SPTBN1: variants seen among roughly 807,000 people sequenced by gnomAD.
SPTBN1 encodes spectrin beta, non-erythrocytic 1, also known as spectrin beta chain, non-erythrocytic 1.
In SPTBN1, 32 loss-of-function variants were observed where a neutral mutation model predicts 266.4. That is an observed-to-expected ratio of 0.12 (90% CI 0.09 to 0.16). The LOEUF (loss-of-function observed/expected upper bound fraction) is 0.16, where lower values mean the gene tolerates loss of function less well. Ranked by LOEUF, SPTBN1 falls within the 10% of genes least tolerant of loss-of-function variation. SPTBN1 has a pLI of 1.00. For missense variants in SPTBN1, 2,296 were observed against 3,067.1 expected (o/e 0.75, Z 5.94); for synonymous variants, 1,336 against 1,162.2 (o/e 1.15, Z -3.04).
At chr2:54,625,135 A>G (rs1678242244) in intron 11 of SPTBN1, among the ~76,000 whole-genome samples, 173 bp downstream of exon 11, 3 of 152,170 alleles carry the variant, frequency 2.0e-5, no homozygotes, top group Non-Finnish European at 2.9e-5. Context: ...TTTCTAATAT[A>G]CATTTCTATT....
At chr2:54,657,408 A>T (rs1411448672) in intron 29 of SPTBN1, among the ~76,000 whole-genome samples, 1 of 152,234 alleles carries the variant, frequency 6.6e-6, no homozygotes, top group Non-Finnish European at 1.5e-5. Flanking sequence ...TTCACTGTAG[A>T]CCTGCGCTGA....
At chr2:54,535,221 T>TCA (rs1242821976) in intron 2 of SPTBN1, 2 of 152,280 alleles carry the variant, frequency 1.3e-5, no homozygotes, top group African/African-American at 4.8e-5. Flanking sequence ...ACATGTTCTC[T>TCA]CACACACACA....
chr2:54,563,631 T>A (rs1673475502), intron 2 of SPTBN1, among the ~76,000 whole-genome samples: 1 of 117,808 alleles, frequency 8.5e-6, no homozygotes, highest in Non-Finnish European at 1.7e-5. Flanking sequence ...TGAGACGGGG[T>A]CTCACCCTGT....
In SPTBN1 at chr2:54,653,482, A is replaced by G. The variant is rs1680441354; in HGVS notation, c.5578-127A>G. ...TCCCCAGTGAAATTGAGGGCTCCTT[A>G]AGGGGCATGGGCCATATTTTGACTC... On this transcript the variant is annotated intron_variant, in intron 26 of 35. Coordinates refer to ENST00000356805, the MANE Select transcript of SPTBN1 (RefSeq NM_003128.3). This position sits in a 1 kb window ranked among gnomAD's most constrained non-coding sequence, Gnocchi z 5.1. The G allele has an allele frequency of 6.9e-7, 1 of 1,453,040 alleles. No individual in the cohort carries two copies. The highest frequency in any genetic ancestry group is 9.1e-7 in the Non-Finnish European group (1 of 1,097,314). The allele number at this position is 1,453,040 out of a possible 1,614,324, so 90.0% of individuals were successfully genotyped here.
chr2:54,519,940 C>T (rs1010175421), intron 1 of SPTBN1, among the ~76,000 whole-genome samples: 8 of 151,964 alleles, frequency 5.3e-5, no homozygotes, highest in Admixed American at 3.9e-4. Flanking sequence ...TGCCATTCAG[C>T]GAGGGAGTGG....
intron 11 of SPTBN1, 60 bp from the exon 12 acceptor site, chr2:54,625,872 T>G: frequency 1.8e-4 from 283 of 1,535,766 alleles, no homozygotes; most frequent in Non-Finnish European, 2.3e-4. Context: ...ATTACAAGCA[T>G]GAGCTACTGT....
At chr2:54,491,864 G>A (rs1298825194) in intron 1 of SPTBN1, among the ~76,000 whole-genome samples, 1 of 152,112 alleles carries the variant, frequency 6.6e-6, no homozygotes, top group African/African-American at 2.4e-5. Flanking sequence ...CTCCCAAAGT[G>A]CTGGGATTAC....
rs1680437484 is a variant in SPTBN1, at chr2:54,653,441, T to G, written c.5578-168T>G. 4 of 1,076,650 alleles carry G rather than the reference T, an allele frequency of 3.7e-6. No homozygotes were observed. The Admixed American group carries it at 1.1e-4, about 29-fold the overall frequency. The allele number at this position is 1,076,650 out of a possible 1,614,324, so 66.7% of individuals were successfully genotyped here. A position where few individuals can be genotyped will look rare whatever the true frequency, so the allele number is the denominator to read the frequency against. On this transcript the variant is annotated intron_variant, in intron 26 of 35. Transcript: ENST00000356805. The surrounding 1 kb of genome is among the most constrained non-coding windows in gnomAD (Gnocchi z 5.1). ...TTGAACAGATTTATAGAAAACGGGT[T>G]TTTGTGACTTGGATCTCCCCAGTGA...
chr2:54,470,367 G>A lies in SPTBN1; in HGVS notation c.-48+13849G>A, dbSNP rs557566371. Reference sequence around the variant, plus strand: ...TCTTGTTAAAGGAAACTTTGTTCACGTGAAATAAACCTATCTTTAGTGAGT... The same window carrying A: ...TCTTGTTAAAGGAAACTTTGTTCACATGAAATAAACCTATCTTTAGTGAGT... On this transcript the variant is annotated intron_variant, in intron 1 of 35. Transcript: ENST00000356805. Among the ~76,000 whole-genome samples the A allele has an allele frequency of 3.3e-5, 5 of 152,166 alleles. No homozygotes were observed. In the South Asian group the frequency reaches 6.2e-4, roughly 19 times the overall value.
chr2:54,531,534 C>G (rs1032184637), intron 2 of SPTBN1, among the ~76,000 whole-genome samples: 1 of 152,074 alleles, frequency 6.6e-6, no homozygotes, highest in Non-Finnish European at 1.5e-5. Context: ...AGTGATCCTC[C>G]TGCCTCAGCC....
chr2:54,664,743 G>T lies in SPTBN1; in HGVS notation c.6659+52G>T. ...AAGATGGGAAGTCAGCCTGTGAAGG[G>T]ATAAGGCGGGCCACTCTTGAATTGG... is the stretch of plus-strand genomic sequence containing the variant. On this transcript the variant is annotated intron_variant, in intron 33 of 35. Coordinates refer to ENST00000356805, the MANE Select transcript of SPTBN1 (RefSeq NM_003128.3). The surrounding 1 kb of genome is among the most constrained non-coding windows in gnomAD (Gnocchi z 5.6). 6.4e-7 allele frequency: 1 copy of T among 1,568,224 alleles called. No homozygotes were observed. The highest frequency in any genetic ancestry group is 1.1e-5 in the South Asian group (1 of 89,320).
At chr2:54,589,835 A>G (rs993804088) in intron 2 of SPTBN1, among the ~76,000 whole-genome samples, 3 of 151,816 alleles carry the variant, frequency 2.0e-5, no homozygotes, top group Non-Finnish European at 4.4e-5. Context: ...TGATTTATTT[A>G]TTTTTTCAAG....
At chr2:54,635,769 ATT>A (rs1465330818) in intron 17 of SPTBN1, among the ~76,000 whole-genome samples, 1 of 152,166 alleles carries the variant, frequency 6.6e-6, no homozygotes, top group East Asian at 1.9e-4. Context: ...GGACTCCTGC[ATT>A]TGTCACTAAA....
chr2:54,569,833 A>G (rs1408852259), intron 2 of SPTBN1, among the ~76,000 whole-genome samples: 1 of 152,216 alleles, frequency 6.6e-6, no homozygotes, highest in East Asian at 1.9e-4. Context: ...ATGGCAAGGC[A>G]GGGCCCAGCA....
chr2:54,508,529 G>A (rs1573299425), intron 1 of SPTBN1, among the ~76,000 whole-genome samples: 1 of 141,466 alleles, frequency 7.1e-6, no homozygotes, highest in Non-Finnish European at 1.5e-5. Flanking sequence ...GGGCTAGCGG[G>A]TTCTAAGAGG....
chr2:54,503,816 T>C (rs1669403664), intron 1 of SPTBN1, among the ~76,000 whole-genome samples: 1 of 152,354 alleles, frequency 6.6e-6, no homozygotes. Flanking sequence ...ATTTTCTTGA[T>C]GCTTCTAAAT....
intron 2 of SPTBN1, among the ~76,000 whole-genome samples, chr2:54,543,313 G>T (rs1231803403): frequency 2.0e-5 from 3 of 152,248 alleles, no homozygotes; most frequent in African/African-American, 4.8e-5. Context: ...GGGCATGCAT[G>T]TGAAGTGTTA....
At position 54,617,954 on chromosome 2, in the gene SPTBN1, A is replaced by G. The variant is rs1677722011; in HGVS notation, c.648-124A>G. ...CATTGTTTGATGATTCCATGATAGT[A>G]TATTTTAGAGTTTTACTCCACTAAT... On this transcript the variant is annotated intron_variant, in intron 6 of 35. Transcript: ENST00000356805. 9.2e-6 allele frequency: 7 copies of G among 758,804 alleles called. No homozygotes were observed. The South Asian group carries it at 1.3e-4, about 14-fold the overall frequency. 47.0% of individuals were successfully genotyped at this position (758,804 alleles called of 1,614,324 possible).
chr2:54,665,209 T>C (rs1358576655), intron 33 of SPTBN1, among the ~76,000 whole-genome samples: 1 of 152,234 alleles, frequency 6.6e-6, no homozygotes, highest in Non-Finnish European at 1.5e-5. Context: ...GCAAAGCCTA[T>C]GTGCTTAACT....
Sources: allele counts gnomAD v4.1 joint callset (sites outside exome capture counted in the v4.1 genomes callset), GRCh38; gene constraint gnomAD v4.1.1; non-coding constraint Gnocchi (gnomAD v3.1); transcripts MANE v1.5; gene names NCBI Gene and HGNC (gene_info 2026-07-23, HGNC 2026-07-21).